Variants in NCOA2 observed in about 807,000 individuals in gnomAD.
NCOA2 encodes the protein class E basic helix-loop-helix protein 75.
NCOA2 carries 21 observed loss-of-function variants against 145.1 expected under a neutral mutation model. The observed-to-expected ratio is 0.14, with a 90% CI of 0.10 to 0.21. The LOEUF (loss-of-function observed/expected upper bound fraction) is 0.21. Ranked by LOEUF, NCOA2 falls within the 10% of genes least tolerant of loss-of-function variation. The probability of loss-of-function intolerance (pLI) is 1.00; values close to 1 mark genes in which losing one functional copy is unlikely to be tolerated. For missense variants in NCOA2, 1,472 were observed against 1,837.6 expected, an observed-to-expected ratio of 0.80 and a Z score of 3.64; for synonymous variants, 619 against 637.5, an observed-to-expected ratio of 0.97 and a Z score of 0.44.
intron 15 of NCOA2, among the ~76,000 whole-genome samples, chr8:70,133,071 GGTGT>G (rs148660851): frequency 2.7e-5 from 4 of 148,708 alleles, no homozygotes; most frequent in African/African-American, 4.9e-5. Flanking sequence ...GTAGAGGAGG[GGTGT>G]GTGTGTGTGT....
At chr8:70,274,188 T>C (rs1286114366) in intron 2 of NCOA2, among the ~76,000 whole-genome samples, 4 of 146,308 alleles carry the variant, frequency 2.7e-5, no homozygotes, top group African/African-American at 1.0e-4. Flanking sequence ...ACAGGTGGTA[T>C]AAAGTTCTCA....
At chr8:70,124,114 T>C in intron 20 of NCOA2, 32 bp from the exon 21 acceptor site, 1 of 1,595,890 alleles carries the variant, frequency 6.3e-7, no homozygotes, top group Non-Finnish European at 8.6e-7. Flanking sequence ...GAATGAATGT[T>C]ACAGCTTGCT....
chr8:70,324,623 C>G (rs1435091886), intron 1 of NCOA2, among the ~76,000 whole-genome samples: 1 of 151,554 alleles, frequency 6.6e-6, no homozygotes. Context: ...GCCATGGTGT[C>G]CAACCCCAAA....
At chr8:70,278,332 T>G (rs1428166540) in intron 2 of NCOA2, among the ~76,000 whole-genome samples, 3 of 152,246 alleles carry the variant, frequency 2.0e-5, no homozygotes, top group Admixed American at 2.0e-4. Context: ...TGGACTGTTT[T>G]TATTTTGGGA....
Position 70,156,439 on chromosome 8 carries a change from C to G in NCOA2, c.1926G>C (p.Leu642=). 6.2e-7 allele frequency: 1 copy of G among 1,613,980 alleles called. No homozygotes were observed. The highest frequency in any genetic ancestry group is 8.5e-7 in the Non-Finnish European group (1 of 1,179,888). The part of the protein sequence containing the change: ...LHDSKGQTKL[L]QLLTTKSDQM... ...GATCAGATTTGGTGGTCAGCAGCTG[C>G]AGGAGTTTGGTCTGCCCTTTGCTGT... Residue 642 remains leucine, a synonymous_variant, in exon 11 of 23, where the codon CTG becomes CTC. Transcript: ENST00000452400.
intron 4 of NCOA2, among the ~76,000 whole-genome samples, chr8:70,182,777 C>A (rs1451593554): frequency 1.3e-5 from 2 of 152,148 alleles, no homozygotes; most frequent in African/African-American, 2.4e-5. Flanking sequence ...TTATATAATC[C>A]AAATTCCTGC....
At chr8:70,166,097 C>T (rs1813587041) in intron 7 of NCOA2, among the ~76,000 whole-genome samples, 2 of 152,182 alleles carry the variant, frequency 1.3e-5, no homozygotes, top group Admixed American at 1.3e-4. Flanking sequence ...GCTGGGATTA[C>T]AGGCGTGAGC....
chr8:70,374,115 T>C (rs1474848630), intron 1 of NCOA2, among the ~76,000 whole-genome samples: 3 of 152,166 alleles, frequency 2.0e-5, no homozygotes, highest in Admixed American at 6.5e-5. Context: ...CTTGTCAAAA[T>C]AGCATGAATT....
intron 1 of NCOA2, among the ~76,000 whole-genome samples, chr8:70,303,369 T>C (rs1827648457): frequency 6.6e-6 from 1 of 152,188 alleles, no homozygotes; most frequent in African/African-American, 2.4e-5. Flanking sequence ...ACAAGTACTA[T>C]AAAATTCCAG....
chr8:70,193,050 G>A (rs1816861338), intron 4 of NCOA2, among the ~76,000 whole-genome samples: 1 of 123,314 alleles, frequency 8.1e-6, no homozygotes, highest in East Asian at 2.3e-4. Flanking sequence ...CTGGGCGACA[G>A]AGCGAGACTC....
chr8:70,370,066 T>C (rs1344673398), intron 1 of NCOA2, among the ~76,000 whole-genome samples: 1 of 152,052 alleles, frequency 6.6e-6, no homozygotes, highest in Non-Finnish European at 1.5e-5. Context: ...TTTATTTTTT[T>C]GTATGGGCAA....
rs938797132 is a variant in NCOA2, at chr8:70,121,042, T to C, written c.4383+260A>G. Among the ~76,000 whole-genome samples, 87 of 152,282 alleles carry C rather than the reference T, an allele frequency of 5.7e-4. 1 individual carries two copies. On this transcript the variant is annotated intron_variant, in intron 22 of 22. Coordinates refer to ENST00000452400, the MANE Select transcript of NCOA2 (RefSeq NM_006540.4). ...GCAAAATTACTGTTCTTTTGTTGGC[T>C]ACGAAGACTACAGAAAAAAAAGATA... is the stretch of plus-strand genomic sequence containing the variant.
At chr8:70,394,130 A>G (rs1813450168) in intron 1 of NCOA2, among the ~76,000 whole-genome samples, 1 of 152,244 alleles carries the variant, frequency 6.6e-6, no homozygotes, top group South Asian at 2.1e-4. Flanking sequence ...AGAAAAGAGT[A>G]CAGTGGTGCT....
intron 1 of NCOA2, among the ~76,000 whole-genome samples, chr8:70,354,878 T>C (rs1378941519): frequency 1.3e-5 from 2 of 152,230 alleles, no homozygotes; most frequent in Non-Finnish European, 2.9e-5. Context: ...GCTGATAGTT[T>C]ATTATTCTCT....
At chr8:70,334,241 A>G (rs1162646283) in intron 1 of NCOA2, among the ~76,000 whole-genome samples, 1 of 152,178 alleles carries the variant, frequency 6.6e-6, no homozygotes, top group Non-Finnish European at 1.5e-5. Context: ...CAGCCGTATC[A>G]CTGAACAATC....
At chr8:70,202,510 TA>T (rs1563613210) in intron 4 of NCOA2, among the ~76,000 whole-genome samples, 1 of 152,202 alleles carries the variant, frequency 6.6e-6, no homozygotes, top group East Asian at 1.9e-4. Context: ...TATTCAGGCT[TA>T]AAAAAAGAAG....
intron 1 of NCOA2, among the ~76,000 whole-genome samples, chr8:70,300,344 A>G (rs546942723): frequency 1.8e-4 from 28 of 152,336 alleles, no homozygotes; most frequent in Non-Finnish European, 2.2e-4. Flanking sequence ...TTTTAATGTT[A>G]AAAAATATTT....
chr8:70,251,297 G>A (rs540821948), intron 2 of NCOA2, among the ~76,000 whole-genome samples: 1 of 152,286 alleles, frequency 6.6e-6, no homozygotes, highest in Admixed American at 6.5e-5. Context: ...TACTGCAGTA[G>A]ATTATACCCA....
chr8:70,351,482 T>C (rs1586570714), intron 1 of NCOA2, among the ~76,000 whole-genome samples: 1 of 152,118 alleles, frequency 6.6e-6, no homozygotes, highest in African/African-American at 2.4e-5. Flanking sequence ...TTTTCATCCC[T>C]GAGTATATAA....
Sources: allele counts gnomAD v4.1 joint callset (sites outside exome capture counted in the v4.1 genomes callset), GRCh38; gene constraint gnomAD v4.1.1; transcripts MANE v1.5; gene names NCBI Gene and HGNC (gene_info 2026-07-23, HGNC 2026-07-21).